The following GABRG2 variants were observed in gnomAD, a reference collection of about 807,000 sequenced individuals.
GABRG2 encodes gamma-aminobutyric acid receptor subunit gamma-2.
In GABRG2, 16 loss-of-function variants were observed where a neutral mutation model predicts 56.4. That is an observed-to-expected ratio of 0.28 (90% confidence interval 0.19 to 0.43). The LOEUF (loss-of-function observed/expected upper bound fraction) is 0.43, where lower values mean the gene tolerates loss of function less well. Ranked by LOEUF, GABRG2 falls within the 20% of genes least tolerant of loss-of-function variation. The pLI, the probability that GABRG2 is intolerant of heterozygous loss-of-function variation, is 1.00. For synonymous variants in GABRG2, 208 were observed against 205.5 expected (o/e 1.01, Z -0.10); for missense variants, 327 against 582.7 (o/e 0.56, Z 4.52).
At chr5:162,089,524 G>T (rs146604265) in intron 1 of GABRG2, among the ~76,000 whole-genome samples, 1 of 151,988 alleles carries the variant, frequency 6.6e-6, no homozygotes, top group Non-Finnish European at 1.5e-5. Flanking sequence ...TTATTTTGAC[G>T]TATAAAATAC....
intron 9 of GABRG2, 134 bp from the exon 10 acceptor site, chr5:162,152,959 G>T: frequency 1.9e-6 from 2 of 1,055,614 alleles, no homozygotes; most frequent in Non-Finnish European, 2.9e-6. Context: ...TACCATTGTA[G>T]ATCATGATGT....
chr5:162,141,105 C>G (rs211016), intron 6 of GABRG2, among the ~76,000 whole-genome samples: 1 of 152,000 alleles, frequency 6.6e-6, no homozygotes, highest in African/African-American at 2.4e-5. Flanking sequence ...GGCGCCATCT[C>G]GGCTCACTGC....
intron 6 of GABRG2, among the ~76,000 whole-genome samples, chr5:162,124,656 A>G (rs1763201882): frequency 6.6e-6 from 1 of 151,844 alleles, no homozygotes; most frequent in Non-Finnish European, 1.5e-5. Flanking sequence ...CAGGGAAGGA[A>G]ACATGAGGAG....
chr5:162,142,596 G>A (rs553907376), intron 7 of GABRG2: 5 of 362,838 alleles, frequency 1.4e-5, no homozygotes, highest in South Asian at 8.6e-5. Flanking sequence ...CATGTCCTTT[G>A]TAGGGACATG....
Position 162,081,315 on chromosome 5 carries a change from G to T in GABRG2, c.108-12513G>T, listed in dbSNP as rs144220542. Among the ~76,000 whole-genome samples the T allele has an allele frequency of 2.8e-3, 419 of 151,976 alleles. 4 individuals are homozygous for T. Among genetic ancestry groups the T allele is most frequent in the African/African-American group, 8.4e-3 (349 of 41,480 alleles). On this transcript the variant is annotated intron_variant, in intron 1 of 9. Coordinates refer to ENST00000639213, the MANE Select transcript of GABRG2 (RefSeq NM_198904.4). ...ATATTTTTTAAAGTTTAATGATTAG[G>T]TTACAGAATAATAGTTGTATTTTTA...
chr5:162,109,193 G>A (rs1191856609), intron 6 of GABRG2, among the ~76,000 whole-genome samples: 1 of 151,566 alleles, frequency 6.6e-6, no homozygotes, highest in Non-Finnish European at 1.5e-5. Context: ...ATTGAACAAT[G>A]AGAACACTTG....
chr5:162,073,567 A>G (rs781258787), intron 1 of GABRG2, among the ~76,000 whole-genome samples: 9 of 151,988 alleles, frequency 5.9e-5, no homozygotes, highest in Non-Finnish European at 8.8e-5. Flanking sequence ...ATATTAAAGT[A>G]GAAATAATAT....
chr5:162,143,235 C>T (rs77758513), intron 7 of GABRG2, among the ~76,000 whole-genome samples: 3,121 of 152,258 alleles, frequency 0.02, 116 homozygotes, highest in East Asian at 0.18. Context: ...TTCACCAGCA[C>T]GCCATTGGCT....
At chr5:162,074,417 T>G (rs1474008553) in intron 1 of GABRG2, among the ~76,000 whole-genome samples, 2 of 152,006 alleles carry the variant, frequency 1.3e-5, no homozygotes, top group African/African-American at 4.8e-5. Context: ...AAAGATCCTT[T>G]GTTATAATTG....
intron 6 of GABRG2, among the ~76,000 whole-genome samples, chr5:162,115,163 G>A (rs1762530592): frequency 6.6e-6 from 1 of 152,070 alleles, no homozygotes; most frequent in Non-Finnish European, 1.5e-5. Flanking sequence ...TTTCCATTTT[G>A]GTTGTGGTAT....
At chr5:162,133,649 C>G (rs1763913317) in intron 6 of GABRG2, among the ~76,000 whole-genome samples, 1 of 151,984 alleles carries the variant, frequency 6.6e-6, no homozygotes, top group Non-Finnish European at 1.5e-5. Flanking sequence ...TTGAACTTGA[C>G]TATGGACTCA....
intron 6 of GABRG2, among the ~76,000 whole-genome samples, chr5:162,105,814 TACACACACACACAC>T (rs67276484): frequency 1.4e-5 from 2 of 147,584 alleles, no homozygotes; most frequent in African/African-American, 5.0e-5. Flanking sequence ...AGAAAACACA[TACACACACACACAC>T]ACACACACAC....
At chr5:162,077,798 G>A (rs533509612) in intron 1 of GABRG2, among the ~76,000 whole-genome samples, 86 of 152,210 alleles carry the variant, frequency 5.7e-4, no homozygotes, top group African/African-American at 1.7e-3. Context: ...GCCATCTTAA[G>A]GTGCTAGAAA....
chr5:162,122,950 A>G (rs745942621), intron 6 of GABRG2, among the ~76,000 whole-genome samples: 47 of 151,884 alleles, frequency 3.1e-4, no homozygotes, highest in Non-Finnish European at 5.9e-4. Flanking sequence ...TTTCATTTTA[A>G]TATCTCTAAA....
intron 1 of GABRG2, among the ~76,000 whole-genome samples, chr5:162,080,096 T>G (rs1021440441): frequency 2.6e-5 from 4 of 152,202 alleles, no homozygotes; most frequent in Non-Finnish European, 5.9e-5. Flanking sequence ...ACAAATTCCT[T>G]CCCGCCTACT....
intron 6 of GABRG2, among the ~76,000 whole-genome samples, chr5:162,105,432 CT>C (rs533258756): frequency 3.7e-4 from 39 of 104,130 alleles, no homozygotes; most frequent in Middle Eastern, 6.8e-3. Flanking sequence ...GTAGAACAAT[CT>C]TTTTTTTTTT....
Position 162,134,166 on chromosome 5 carries a change from G to A in GABRG2, c.770-7998G>A, listed in dbSNP as rs554219346. 1.4e-4 allele frequency among the ~76,000 whole-genome samples: 21 copies of A among 152,240 alleles called. No homozygotes were observed. In the East Asian group the frequency reaches 4.1e-3, roughly 30 times the overall value. On this transcript the variant is annotated intron_variant, in intron 6 of 9. Coordinates refer to ENST00000639213, the MANE Select transcript of GABRG2 (RefSeq NM_198904.4). ...AACACAGAGGCTATTTTCTACAGAA[G>A]GAGTATGGGTTTATAAGGCAGGATT...
intron 1 of GABRG2, among the ~76,000 whole-genome samples, chr5:162,076,985 A>C (rs781296482): frequency 6.6e-6 from 1 of 152,168 alleles, no homozygotes. Flanking sequence ...AAATAAAGAC[A>C]TAATATAGAT....
chr5:162,147,723 C>T (rs949191523), intron 7 of GABRG2, among the ~76,000 whole-genome samples: 2 of 152,276 alleles, frequency 1.3e-5, no homozygotes, highest in East Asian at 1.9e-4. Context: ...TGGCTGTCCC[C>T]TAGAAGTCTC....
Sources: gnomAD v4.1 joint callset for allele counts (sites outside exome capture counted in the v4.1 genomes callset) on GRCh38, gnomAD v4.1.1 for gene constraint, MANE v1.5 for transcripts, NCBI Gene and HGNC (gene_info 2026-07-23, HGNC 2026-07-21) for gene names.